CRISPLD1: variants seen among roughly 807,000 people sequenced by gnomAD.
CRISPLD1 encodes the protein cysteine-rich secretory protein LCCL domain-containing 1.
In CRISPLD1, 60 loss-of-function variants were observed where a neutral mutation model predicts 77.5. That is an observed-to-expected ratio of 0.77 (90% CI 0.63 to 0.96). CRISPLD1 has a LOEUF of 0.96. Ranked by LOEUF, CRISPLD1 falls within the 40% of genes least tolerant of loss-of-function variation. The pLI is 0.00. For synonymous variants in CRISPLD1, 195 were observed against 200.1 expected (o/e 0.97, Z 0.22); for missense variants, 623 against 615.8 (o/e 1.01, Z -0.12).
chr8:74,988,402 G>A (rs1358682107), intron 2 of CRISPLD1, among the ~76,000 whole-genome samples: 1 of 152,066 alleles, frequency 6.6e-6, no homozygotes, highest in East Asian at 1.9e-4. Context: ...CATGTTAAAT[G>A]TTTGACTAAC....
chr8:75,018,901 A>G (rs1382514427), intron 10 of CRISPLD1, among the ~76,000 whole-genome samples: 3 of 152,194 alleles, frequency 2.0e-5, no homozygotes, highest in Non-Finnish European at 4.4e-5. Flanking sequence ...CTGAAGTTCT[A>G]TAGAAATATT....
chr8:74,994,048 GA>G (rs2128781325), intron 2 of CRISPLD1, among the ~76,000 whole-genome samples: 1 of 152,304 alleles, frequency 6.6e-6, no homozygotes, highest in African/African-American at 2.4e-5. Context: ...TTCGACATAT[GA>G]ATAGCATGAT....
rs76351669 is a variant in CRISPLD1, at chr8:74,986,931, G to C, written c.258+686G>C. 6.8e-3 allele frequency among the ~76,000 whole-genome samples: 1,041 copies of C among 152,234 alleles called. 13 individuals carry two copies. The highest frequency in any genetic ancestry group is 0.024 in the African/African-American group (1,001 of 41,530). ...AAGACTACTAGCATATAACTCATGAGTATACTGCCATTTCATACCCTAAAC... is the reference window on the plus strand; with the variant it reads ...AAGACTACTAGCATATAACTCATGACTATACTGCCATTTCATACCCTAAAC... On this transcript the variant is annotated intron_variant, in intron 2 of 14. Transcript: ENST00000262207.
At chr8:75,022,735 G>T (rs917623376) in intron 12 of CRISPLD1, among the ~76,000 whole-genome samples, 4 of 152,002 alleles carry the variant, frequency 2.6e-5, no homozygotes, top group Non-Finnish European at 5.9e-5. Context: ...GTAGGCTGAG[G>T]CATAGTCTAT....
chr8:74,992,497 A>G (rs146083271), intron 2 of CRISPLD1, among the ~76,000 whole-genome samples: 1 of 152,338 alleles, frequency 6.6e-6, no homozygotes, highest in Non-Finnish European at 1.5e-5. Flanking sequence ...ATAGTTTGCT[A>G]CTATACAAAG....
chr8:75,023,492 G>T (rs1813176059), intron 12 of CRISPLD1, among the ~76,000 whole-genome samples: 1 of 152,058 alleles, frequency 6.6e-6, no homozygotes, highest in South Asian at 2.1e-4. Flanking sequence ...AAATGGTTCT[G>T]GTTTCCATGT....
At chr8:75,001,034 T>C (rs2128782588) in intron 2 of CRISPLD1, among the ~76,000 whole-genome samples, 1 of 152,300 alleles carries the variant, frequency 6.6e-6, no homozygotes, top group Non-Finnish European at 1.5e-5. Flanking sequence ...AAGTTTGATG[T>C]GATATGTAAA....
rs769783972 is a variant in CRISPLD1, at chr8:75,017,466, A to G, written c.1127+16A>G. On this transcript the variant is annotated intron_variant, in intron 10 of 14. Transcript: ENST00000262207. ...AAACAATTGGGTAAGTACCAAAATA[A>G]TCTTTTGGACCAGATAATTTTAAAT... is the stretch of plus-strand genomic sequence containing the variant. The G allele has an allele frequency of 1.3e-6, 2 of 1,583,298 alleles. No homozygotes were observed. Among genetic ancestry groups the G allele is most frequent in the South Asian group, 2.3e-5 (2 of 85,972 alleles).
At chr8:75,000,275 C>T (rs1812717911) in intron 2 of CRISPLD1, 7 of 984,948 alleles carry the variant, frequency 7.1e-6, no homozygotes, top group Non-Finnish European at 8.4e-6. Flanking sequence ...CAGATGTTGT[C>T]CAGAGAAGGA....
At position 75,023,955 on chromosome 8, in the gene CRISPLD1, T is replaced by C. The variant is rs530469574; in HGVS notation, c.1245-1591T>C. On this transcript the variant is annotated intron_variant, in intron 12 of 14. Transcript: ENST00000262207. ...TTTAAATAAAAAGCTTTTGGTCATA[T>C]TGTATTAGAGCCTGAACAACAAAAA... 2.0e-5 allele frequency among the ~76,000 whole-genome samples: 3 copies of C among 152,304 alleles called. No individual in the cohort carries two copies. In the South Asian group the frequency reaches 6.2e-4, roughly 32 times the overall value.
chr8:74,996,709 CTTTTT>C (rs1178454369), intron 2 of CRISPLD1, among the ~76,000 whole-genome samples: 1 of 73,348 alleles, frequency 1.4e-5, no homozygotes, highest in Non-Finnish European at 2.5e-5. Flanking sequence ...GAGCCAGAAT[CTTTTT>C]TTTTTTTTTT....
intron 2 of CRISPLD1, among the ~76,000 whole-genome samples, chr8:74,992,769 G>A (rs890908878): frequency 6.6e-6 from 1 of 152,082 alleles, no homozygotes; most frequent in African/African-American, 2.4e-5. Context: ...CTCTCCTTTC[G>A]CTAGGCAACC....
At chr8:74,994,060 C>CGA (rs1309355325) in intron 2 of CRISPLD1, among the ~76,000 whole-genome samples, 2 of 152,154 alleles carry the variant, frequency 1.3e-5, no homozygotes, top group East Asian at 3.9e-4. Context: ...ATAGCATGAT[C>CGA]TTACTTACAA....
Position 75,032,761 on chromosome 8 carries a change from T to C in CRISPLD1, c.*519T>C, listed in dbSNP as rs1236115981. 2 of 151,980 alleles carry C rather than the reference T, an allele frequency of 1.3e-5. No individual in the cohort carries two copies. The highest frequency in any genetic ancestry group is 2.4e-5 in the African/African-American group (1 of 41,444). The allele number at this position is 151,980 out of a possible 1,614,324, so 9.4% of individuals were successfully genotyped here. ...AAGTTTTTTTCTGTTAATTTAGGCA[T>C]ATAGAATATTAAATTCTGATATTGC... On this transcript the variant is annotated 3_prime_UTR_variant, in exon 15 of 15. Coordinates refer to ENST00000262207, the MANE Select transcript of CRISPLD1 (RefSeq NM_031461.6).
At chr8:75,029,305 A>G in intron 13 of CRISPLD1, 82 bp from the exon 14 acceptor site, 3 of 1,353,008 alleles carry the variant, frequency 2.2e-6, no homozygotes, top group Non-Finnish European at 3.0e-6. Flanking sequence ...CAGCGACTTC[A>G]GTCTATTAAT....
chr8:75,019,500 G>C (rs1336616991), intron 10 of CRISPLD1, among the ~76,000 whole-genome samples: 1 of 152,014 alleles, frequency 6.6e-6, no homozygotes, highest in Non-Finnish European at 1.5e-5. Context: ...ACATTGTCTT[G>C]TATTTCCTGT....
At chr8:75,001,101 A>G (rs143141771) in intron 2 of CRISPLD1, among the ~76,000 whole-genome samples, 2,029 of 152,312 alleles carry the variant, frequency 0.013, 19 homozygotes, top group Middle Eastern at 0.027. Context: ...GTAAAACATA[A>G]TAAAAATATA....
chr8:75,023,920 G>C (rs771208946), intron 12 of CRISPLD1, among the ~76,000 whole-genome samples: 4 of 152,050 alleles, frequency 2.6e-5, no homozygotes, highest in African/African-American at 7.2e-5. Flanking sequence ...ATTGATAATT[G>C]GATCCTACGT....
At chr8:74,999,774 T>C (rs1812706520) in intron 2 of CRISPLD1, among the ~76,000 whole-genome samples, 1 of 148,162 alleles carries the variant, frequency 6.7e-6, no homozygotes, top group Non-Finnish European at 1.5e-5. Context: ...CTTTTTCTTT[T>C]CTTTTTTTTT....
Sources: allele counts gnomAD v4.1 joint callset (sites outside exome capture counted in the v4.1 genomes callset), GRCh38; gene constraint gnomAD v4.1.1; transcripts MANE v1.5; gene names NCBI Gene and HGNC (gene_info 2026-07-23, HGNC 2026-07-21).